Variants in PDE10A observed in about 807,000 individuals in gnomAD.
The protein encoded by PDE10A is phosphodiesterase 10A.
A neutral mutation model predicts 97.7 loss-of-function variants in PDE10A; 39 were observed. That is an observed-to-expected ratio of 0.40 (90% CI 0.31 to 0.52). The LOEUF (loss-of-function observed/expected upper bound fraction) is 0.52. PDE10A is among the 20% of genes least tolerant of loss of function. PDE10A has a pLI of 0.56. For synonymous variants in PDE10A, 371 were observed against 376.8 expected (o/e 0.98, Z 0.18); for missense variants, 731 against 1,047.8 (o/e 0.70, Z 4.17).
chr6:165,336,090 C>CA, intron 21 of PDE10A, 33 bp downstream of exon 21: 1 of 1,483,208 alleles, frequency 6.7e-7, no homozygotes, highest in Non-Finnish European at 9.4e-7. Flanking sequence ...TTGTTGGAAA[C>CA]AATATTTTTA....
intron 1 of PDE10A, among the ~76,000 whole-genome samples, chr6:165,546,807 A>G (rs1783764988): frequency 6.6e-6 from 1 of 152,156 alleles, no homozygotes; most frequent in African/African-American, 2.4e-5. Flanking sequence ...GATATCAGTG[A>G]ACTCATGTAT....
chr6:165,665,224 T>C (rs146360483), upstream of PDE10A, among the ~76,000 whole-genome samples: 1,073 of 152,358 alleles, frequency 7.0e-3, 13 homozygotes, highest in African/African-American at 0.024. Context: ...TTTGTTACTG[T>C]AAGTCTCAGA....
At chr6:165,785,891 C>G (rs563190743) in intron 1 of PDE10A, among the ~76,000 whole-genome samples, 10 of 152,230 alleles carry the variant, frequency 6.6e-5, no homozygotes, top group African/African-American at 1.7e-4. Context: ...GGTTTGAAGG[C>G]CTGTGATAGA....
chr6:165,511,555 AAT>A (rs1781510614), intron 2 of PDE10A, among the ~76,000 whole-genome samples: 1 of 151,928 alleles, frequency 6.6e-6, no homozygotes, highest in African/African-American at 2.4e-5. Context: ...GTTTAAACAC[AAT>A]GTTTATTTGG....
intron 1 of PDE10A, among the ~76,000 whole-genome samples, chr6:165,853,415 T>C (rs903045420): frequency 6.6e-6 from 1 of 152,232 alleles, no homozygotes; most frequent in Non-Finnish European, 1.5e-5. Context: ...CAAAAATTTA[T>C]ATTTTCTATT....
At chr6:165,721,022 G>T (rs1792155794) in intron 1 of PDE10A, among the ~76,000 whole-genome samples, 1 of 152,212 alleles carries the variant, frequency 6.6e-6, no homozygotes, top group African/African-American at 2.4e-5. Flanking sequence ...ATAGTGTTAG[G>T]CATTAAGAAT....
chr6:165,965,315 G>A (rs1784479333), intron 1 of PDE10A, among the ~76,000 whole-genome samples: 1 of 152,090 alleles, frequency 6.6e-6, no homozygotes, highest in Admixed American at 6.5e-5. Flanking sequence ...TCTGAATGGT[G>A]TGGCCAACTC....
At chr6:165,684,923 G>T (rs539462248) in intron 1 of PDE10A, among the ~76,000 whole-genome samples, 1 of 152,366 alleles carries the variant, frequency 6.6e-6, no homozygotes, top group African/African-American at 2.4e-5. Context: ...GAAGTGGACA[G>T]TGAGACGTCG....
At chr6:165,758,689 G>A (rs1289812632) in intron 1 of PDE10A, among the ~76,000 whole-genome samples, 1 of 150,734 alleles carries the variant, frequency 6.6e-6, no homozygotes, top group African/African-American at 2.4e-5. Context: ...GAAAGAAGGA[G>A]AAGGAAGGAG....
chr6:165,658,833 G>A (rs1402355030), intron 1 of PDE10A, among the ~76,000 whole-genome samples: 1 of 152,190 alleles, frequency 6.6e-6, no homozygotes, highest in South Asian at 2.1e-4. Flanking sequence ...GGCAGGAGAT[G>A]AGGTGAAGTC....
intron 1 of PDE10A, among the ~76,000 whole-genome samples, chr6:165,984,221 A>G (rs374792387): frequency 5.9e-5 from 9 of 152,386 alleles, no homozygotes; most frequent in African/African-American, 2.2e-4. Flanking sequence ...AGTACTATGG[A>G]TATAGGTACT....
At chr6:165,389,164 G>A (rs1277182141) in intron 16 of PDE10A, among the ~76,000 whole-genome samples, 3 of 152,024 alleles carry the variant, frequency 2.0e-5, no homozygotes, top group African/African-American at 2.4e-5. Context: ...CGAGGGCAGG[G>A]GAAGCAGTCA....
At chr6:165,719,909 C>G (rs908644371) in intron 1 of PDE10A, among the ~76,000 whole-genome samples, 5 of 152,218 alleles carry the variant, frequency 3.3e-5, no homozygotes, top group African/African-American at 1.2e-4. Flanking sequence ...GAGATAATTA[C>G]AGGGACCAAA....
intron 2 of PDE10A, among the ~76,000 whole-genome samples, chr6:165,499,806 T>C (rs1780758793): frequency 1.3e-5 from 2 of 152,138 alleles, no homozygotes; most frequent in Admixed American, 6.5e-5. Context: ...AGAAAATATG[T>C]GAAATGAAAG....
At chr6:165,577,609 G>A (rs925760618) in intron 1 of PDE10A, among the ~76,000 whole-genome samples, 3 of 149,892 alleles carry the variant, frequency 2.0e-5, no homozygotes, top group Non-Finnish European at 4.5e-5. Flanking sequence ...TGAGGCACTC[G>A]TTCACCCCAG....
At chr6:165,735,145 T>G (rs1271760031) in intron 1 of PDE10A, among the ~76,000 whole-genome samples, 1 of 151,412 alleles carries the variant, frequency 6.6e-6, no homozygotes, top group Non-Finnish European at 1.5e-5. Context: ...GATAAATAGG[T>G]AGGTAGGTAG....
At chr6:165,547,403 C>T (rs946836583) in intron 1 of PDE10A, among the ~76,000 whole-genome samples, 2 of 152,058 alleles carry the variant, frequency 1.3e-5, no homozygotes, top group East Asian at 1.9e-4. Context: ...CATTAATTTT[C>T]GCAGTGCAAT....
At chr6:165,788,951 G>A (rs538346483) in intron 1 of PDE10A, among the ~76,000 whole-genome samples, 7 of 152,258 alleles carry the variant, frequency 4.6e-5, no homozygotes, top group Non-Finnish European at 1.0e-4. Context: ...GAGGCTGGAA[G>A]AGGGAGAGAG....
intron 16 of PDE10A, among the ~76,000 whole-genome samples, chr6:165,391,823 G>A (rs946417393): frequency 6.6e-6 from 1 of 152,154 alleles, no homozygotes; most frequent in African/African-American, 2.4e-5. Flanking sequence ...ACAAGTACTA[G>A]ATTCTAGTTT....
Sources: gnomAD v4.1 joint callset for allele counts (sites outside exome capture counted in the v4.1 genomes callset) on GRCh38, gnomAD v4.1.1 for gene constraint, MANE v1.5 for transcripts, NCBI Gene and HGNC (gene_info 2026-07-23, HGNC 2026-07-21) for gene names.